The following PTPRT variants were observed in gnomAD, a reference collection of about 807,000 sequenced individuals.
The protein encoded by PTPRT is receptor-type tyrosine-protein phosphatase T.
A neutral mutation model predicts 176.8 loss-of-function variants in PTPRT; 56 were observed. The ratio of observed to expected loss-of-function variants is 0.32; its 90% CI spans 0.26 to 0.40. The LOEUF is 0.40. PTPRT is among the 10% of genes least tolerant of loss of function. The pLI is 1.00. For synonymous variants in PTPRT, 783 were observed against 739.0 expected (o/e 1.06, Z -0.96); for missense variants, 1,540 against 1,908.2 (o/e 0.81, Z 3.60).
At chr20:42,270,526 G>T in intron 13 of PTPRT, 2 of 1,367,840 alleles carry the variant, frequency 1.5e-6, no homozygotes, top group Non-Finnish European at 2.0e-6. Flanking sequence ...ATGAAAACGT[G>T]CAGCACGGTG....
intron 1 of PTPRT, among the ~76,000 whole-genome samples, chr20:43,086,148 C>A (rs2011597432): frequency 6.6e-6 from 1 of 152,168 alleles, no homozygotes; most frequent in Admixed American, 6.5e-5. Flanking sequence ...TTTCCCTGAT[C>A]TTTATTCTCT....
chr20:42,772,630 A>T (rs1157194049), intron 4 of PTPRT, among the ~76,000 whole-genome samples: 1 of 152,198 alleles, frequency 6.6e-6, no homozygotes, highest in Non-Finnish European at 1.5e-5. Context: ...TGGTTTCTTC[A>T]TTGAGGCACA....
At chr20:42,501,133 A>G (rs2071744204) in intron 7 of PTPRT, among the ~76,000 whole-genome samples, 1 of 152,160 alleles carries the variant, frequency 6.6e-6, no homozygotes, top group Non-Finnish European at 1.5e-5. Flanking sequence ...CCACAAGGGT[A>G]GCCAGTATCC....
intron 1 of PTPRT, among the ~76,000 whole-genome samples, chr20:42,962,965 G>C (rs1982079688): frequency 6.6e-6 from 1 of 152,126 alleles, no homozygotes; most frequent in Non-Finnish European, 1.5e-5. Flanking sequence ...TTGGGAGGCT[G>C]AGGCGGGTGG....
chr20:42,200,745 A>G (rs1442592949), intron 15 of PTPRT, among the ~76,000 whole-genome samples: 2 of 152,232 alleles, frequency 1.3e-5, no homozygotes, highest in Admixed American at 1.3e-4. Flanking sequence ...TATAGCTGTT[A>G]TAGTCTTATC....
At chr20:42,965,676 C>G (rs1056108537) in intron 1 of PTPRT, among the ~76,000 whole-genome samples, 8 of 152,156 alleles carry the variant, frequency 5.3e-5, no homozygotes, top group Non-Finnish European at 1.0e-4. Context: ...CTGAACTTAA[C>G]TGAGAGCCAT....
At chr20:42,634,275 G>A (rs1198196867) in intron 7 of PTPRT, among the ~76,000 whole-genome samples, 4 of 146,284 alleles carry the variant, frequency 2.7e-5, no homozygotes, top group Non-Finnish European at 4.4e-5. Context: ...GACTGTGAAC[G>A]TTAATGATGT....
At chr20:42,128,075 C>T (rs1987944703) in intron 19 of PTPRT, among the ~76,000 whole-genome samples, 1 of 152,206 alleles carries the variant, frequency 6.6e-6, no homozygotes, top group Non-Finnish European at 1.5e-5. Flanking sequence ...GTTACATATT[C>T]TCTGCTCCCC....
intron 2 of PTPRT, among the ~76,000 whole-genome samples, chr20:42,854,554 T>A (rs1466553506): frequency 6.6e-6 from 1 of 152,188 alleles, no homozygotes; most frequent in Non-Finnish European, 1.5e-5. Context: ...ACCACAGGCA[T>A]GGTACCTTGA....
chr20:43,108,845 A>G (rs1349811812), intron 1 of PTPRT, among the ~76,000 whole-genome samples: 1 of 152,206 alleles, frequency 6.6e-6, no homozygotes, highest in Non-Finnish European at 1.5e-5. Context: ...TAAAATTTTA[A>G]GGTCTGAAAT....
At chr20:42,167,237 A>G (rs1989868549) in intron 16 of PTPRT, among the ~76,000 whole-genome samples, 1 of 152,168 alleles carries the variant, frequency 6.6e-6, no homozygotes, top group Non-Finnish European at 1.5e-5. Context: ...CACACACTAG[A>G]GATGGCATCT....
chr20:42,877,735 T>C (rs1417191971), intron 2 of PTPRT, among the ~76,000 whole-genome samples: 1 of 152,212 alleles, frequency 6.6e-6, no homozygotes, highest in African/African-American at 2.4e-5. Flanking sequence ...GTGAACAAGC[T>C]TGCAGTTCAT....
intron 1 of PTPRT, among the ~76,000 whole-genome samples, chr20:43,144,591 A>C (rs143160565): frequency 6.6e-6 from 1 of 152,140 alleles, no homozygotes; most frequent in South Asian, 2.1e-4. Flanking sequence ...TGTATGAGTC[A>C]ATTTTTATGA....
chr20:42,707,008 C>T (rs2076070166), intron 6 of PTPRT, among the ~76,000 whole-genome samples: 1 of 152,128 alleles, frequency 6.6e-6, no homozygotes. Context: ...AATGAATCTA[C>T]AAGACGAGGA....
intron 12 of PTPRT, among the ~76,000 whole-genome samples, chr20:42,312,082 C>T (rs1405433068): frequency 6.6e-6 from 1 of 152,112 alleles, no homozygotes; most frequent in African/African-American, 2.4e-5. Flanking sequence ...ATTAACCTTC[C>T]ATTTTGTAAC....
intron 13 of PTPRT, among the ~76,000 whole-genome samples, chr20:42,252,118 G>A (rs1281633494): frequency 6.6e-6 from 1 of 152,160 alleles, no homozygotes; most frequent in Non-Finnish European, 1.5e-5. Flanking sequence ...GATTGGATAT[G>A]GGGAATAAAG....
intron 1 of PTPRT, among the ~76,000 whole-genome samples, chr20:42,914,060 G>C (rs573345409): frequency 4.6e-5 from 7 of 152,228 alleles, no homozygotes; most frequent in Non-Finnish European, 8.8e-5. Flanking sequence ...TGTGTGTTTT[G>C]TTGTTTGGTT....
chr20:42,953,732 C>T (rs1489480320), intron 1 of PTPRT, among the ~76,000 whole-genome samples: 4 of 152,184 alleles, frequency 2.6e-5, no homozygotes, highest in Non-Finnish European at 5.9e-5. Context: ...ATTTCTTAGT[C>T]TCTCCAGAGA....
At chr20:42,586,489 T>C (rs1197224763) in intron 7 of PTPRT, among the ~76,000 whole-genome samples, 1 of 152,150 alleles carries the variant, frequency 6.6e-6, no homozygotes, top group Non-Finnish European at 1.5e-5. Flanking sequence ...TTACGACTCA[T>C]CTAGCTCCCA....
Sources: gnomAD v4.1 joint callset for allele counts (sites outside exome capture counted in the v4.1 genomes callset) on GRCh38, gnomAD v4.1.1 for gene constraint, MANE v1.5 for transcripts, NCBI Gene and HGNC (gene_info 2026-07-23, HGNC 2026-07-21) for gene names.